The following GATB variants were observed in gnomAD, a reference collection of about 807,000 sequenced individuals.
GATB encodes the protein glutamyl-tRNA amidotransferase subunit B.
Under a neutral mutation model 62.3 loss-of-function variants are expected in GATB, and 39 were observed. The observed-to-expected ratio is 0.63, with a 90% CI of 0.48 to 0.82. The LOEUF (loss-of-function observed/expected upper bound fraction) is 0.82, where lower values mean the gene tolerates loss of function less well. Among genes scored for constraint, GATB ranks in the 40% least tolerant of loss-of-function variants. The pLI is 0.00. For missense variants in GATB, 670 were observed against 684.0 expected (o/e 0.98, Z 0.23); for synonymous variants, 276 against 258.9 (o/e 1.07, Z -0.63).
At chr4:151,710,629 G>A (rs973792846) in intron 5 of GATB, among the ~76,000 whole-genome samples, 1 of 152,132 alleles carries the variant, frequency 6.6e-6, no homozygotes, top group African/African-American at 2.4e-5. Flanking sequence ...CCTACTGGAC[G>A]CCTCAGCAAC....
In GATB at chr4:151,670,639, TTAAAC is replaced by T. The variant is rs1241606494; in HGVS notation, c.*530_*534del. On this transcript the variant is annotated 3_prime_UTR_variant, in exon 13 of 13. Transcript: ENST00000263985. ...CCTTCCCCACCCTCTTGAGACCTCC[TTAAAC>T]AAACAAATGTGTTTATACTGTGCCA... 6.6e-6 allele frequency: 1 copy of T among 152,418 alleles called. No homozygotes were observed. Among genetic ancestry groups the T allele is most frequent in the African/African-American group, 2.4e-5 (1 of 41,474 alleles). 9.4% of individuals were successfully genotyped at this position (152,418 alleles called of 1,614,324 possible). A position where few individuals can be genotyped will look rare whatever the true frequency, so the allele number is the denominator to read the frequency against.
chr4:151,758,131 C>G (rs1409391855), intron 2 of GATB, among the ~76,000 whole-genome samples: 6 of 152,154 alleles, frequency 3.9e-5, no homozygotes, highest in African/African-American at 1.4e-4. Context: ...CTGTTTTCTA[C>G]ATTATTGAGT....
chr4:151,758,627 A>G, intron 2 of GATB, 145 bp downstream of exon 2: 1 of 632,802 alleles, frequency 1.6e-6, no homozygotes, highest in Non-Finnish European at 2.5e-6. Flanking sequence ...TTCAGAAAAC[A>G]TTTAATATAT....
chr4:151,672,121 A>AGAT (rs1737882528), intron 12 of GATB, among the ~76,000 whole-genome samples: 1 of 152,178 alleles, frequency 6.6e-6, no homozygotes. Flanking sequence ...ATTCTGAAAA[A>AGAT]GATGCCGACA....
chr4:151,747,223 C>T (rs1473838379), intron 2 of GATB, among the ~76,000 whole-genome samples: 1 of 152,090 alleles, frequency 6.6e-6, no homozygotes. Context: ...ACCTTGGGGG[C>T]AGAAGTCAAG....
intron 2 of GATB, among the ~76,000 whole-genome samples, chr4:151,734,249 C>A (rs1439296845): frequency 2.0e-5 from 3 of 152,028 alleles, no homozygotes; most frequent in Non-Finnish European, 2.9e-5. Context: ...AGCAAAGTTT[C>A]CAGATACAAT....
chr4:151,713,275 A>T (rs2126975786), intron 5 of GATB, among the ~76,000 whole-genome samples: 1 of 152,324 alleles, frequency 6.6e-6, no homozygotes, highest in Non-Finnish European at 1.5e-5. Flanking sequence ...GAAATAAAGC[A>T]GACGATCAAT....
chr4:151,690,243 C>A (rs942373298), intron 9 of GATB, among the ~76,000 whole-genome samples: 2 of 152,196 alleles, frequency 1.3e-5, no homozygotes, highest in Non-Finnish European at 2.9e-5. Flanking sequence ...TAATAAAAAA[C>A]CCTACATGTT....
At chr4:151,678,437 TTCTC>T (rs35701179) in intron 11 of GATB, among the ~76,000 whole-genome samples, 193 of 149,752 alleles carry the variant, frequency 1.3e-3, no homozygotes, top group East Asian at 2.9e-3. Flanking sequence ...CAATGTGTTC[TTCTC>T]TCTCTCTCTC....
At chr4:151,725,167 T>A (rs1004062128) in intron 2 of GATB, among the ~76,000 whole-genome samples, 1 of 152,220 alleles carries the variant, frequency 6.6e-6, no homozygotes, top group Admixed American at 6.5e-5. Context: ...GTAAGACCCA[T>A]CCTCTATCAG....
At chr4:151,721,414 CAAG>C (rs1160691404) in intron 2 of GATB, 1 of 152,160 alleles carries the variant, frequency 6.6e-6, no homozygotes, top group African/African-American at 2.4e-5. Flanking sequence ...TAAAGGTTTT[CAAG>C]AAAAGATGTG....
chr4:151,701,664 T>C (rs1738610476), intron 8 of GATB, 146 bp from the exon 9 acceptor site: 3 of 590,034 alleles, frequency 5.1e-6, no homozygotes, highest in African/African-American at 1.9e-5. Context: ...GTCAATTCTG[T>C]TTCCCAGGGA....
Position 151,733,086 on chromosome 4 carries a change from C to G in GATB, c.328-13548G>C, listed in dbSNP as rs1277957142. On this transcript the variant is annotated intron_variant, in intron 2 of 12. Coordinates refer to ENST00000263985, the MANE Select transcript of GATB (RefSeq NM_004564.3). ...CTAGAGAAATAAGAACAAACCAAAC[C>G]CAAACCCAGCAGAAGAAAAATAACC... is the stretch of plus-strand genomic sequence containing the variant. Among the ~76,000 whole-genome samples, 3 of 151,938 alleles carry G rather than the reference C, an allele frequency of 2.0e-5. No homozygotes were observed. The East Asian group carries it at 5.8e-4, about 29-fold the overall frequency.
chr4:151,756,566 C>T (rs911225915), intron 2 of GATB, among the ~76,000 whole-genome samples: 14 of 152,174 alleles, frequency 9.2e-5, no homozygotes, highest in South Asian at 2.1e-4. Flanking sequence ...AAACCATAAG[C>T]GTTGTAGGCT....
chr4:151,718,547 T>C (rs1466665611), intron 3 of GATB, among the ~76,000 whole-genome samples: 1 of 152,176 alleles, frequency 6.6e-6, no homozygotes, highest in Non-Finnish European at 1.5e-5. Flanking sequence ...AACAGTAGAC[T>C]TGCTGAGAGG....
At chr4:151,677,478 TTCC>T (rs1738032321) in intron 11 of GATB, 1 of 152,230 alleles carries the variant, frequency 6.6e-6, no homozygotes, top group Non-Finnish European at 1.5e-5. Context: ...AGTCTGGCAC[TTCC>T]TCATTATATG....
intron 2 of GATB, among the ~76,000 whole-genome samples, chr4:151,732,077 C>A (rs1409934342): frequency 6.8e-6 from 1 of 146,246 alleles, no homozygotes; most frequent in Non-Finnish European, 1.5e-5. Context: ...CCCCGCCCGG[C>A]CAGCCGCCCC....
chr4:151,758,120 G>A (rs986072662), intron 2 of GATB, among the ~76,000 whole-genome samples: 2 of 152,084 alleles, frequency 1.3e-5, no homozygotes, highest in African/African-American at 4.8e-5. Context: ...GCATATTATG[G>A]CTGTTTTCTA....
intron 5 of GATB, among the ~76,000 whole-genome samples, chr4:151,709,513 T>G (rs1229378501): frequency 6.6e-6 from 1 of 152,210 alleles, no homozygotes; most frequent in Non-Finnish European, 1.5e-5. Flanking sequence ...ACTCTCGGTC[T>G]AGGAACCCTG....
Sources: allele counts gnomAD v4.1 joint callset (sites outside exome capture counted in the v4.1 genomes callset), GRCh38; gene constraint gnomAD v4.1.1; transcripts MANE v1.5; gene names NCBI Gene and HGNC (gene_info 2026-07-23, HGNC 2026-07-21).